The following PAM variants were observed in gnomAD, a reference collection of about 807,000 sequenced individuals.
PAM encodes peptidyl-glycine alpha-amidating monooxygenase.
PAM carries 72 observed loss-of-function variants against 122.1 expected under a neutral mutation model. The observed-to-expected ratio is 0.59, with a 90% CI of 0.49 to 0.72. The LOEUF is 0.72. PAM is among the 30% of genes least tolerant of loss of function. The probability of loss-of-function intolerance (pLI) is 0.00; values close to 1 mark genes in which losing one functional copy is unlikely to be tolerated. For synonymous variants in PAM, 389 were observed against 404.4 expected, an observed-to-expected ratio of 0.96 and a Z score of 0.46; for missense variants, 1,106 against 1,183.7, an observed-to-expected ratio of 0.93 and a Z score of 0.96.
intron 1 of PAM, among the ~76,000 whole-genome samples, chr5:102,779,918 T>TATATACACACACACAC (rs147065045): frequency 6.2e-4 from 59 of 95,672 alleles, no homozygotes; most frequent in African/African-American, 2.5e-3. Flanking sequence ...TATATATATA[T>TATATACACACACACAC]ACACACATAT....
At chr5:102,805,037 G>GTC (rs1364943013) in intron 1 of PAM, among the ~76,000 whole-genome samples, 1 of 143,550 alleles carries the variant, frequency 7.0e-6, no homozygotes, top group Non-Finnish European at 1.5e-5. Context: ...GTGCTGGTTT[G>GTC]TCTGTTTCTT....
At chr5:102,854,107 T>C (rs1782017388) in intron 1 of PAM, among the ~76,000 whole-genome samples, 1 of 152,218 alleles carries the variant, frequency 6.6e-6, no homozygotes, top group Non-Finnish European at 1.5e-5. Context: ...CCTTGACTTC[T>C]GTGCCTCTAT....
chr5:102,865,772 G>A (rs1785369834), intron 1 of PAM, 51 bp from the exon 2 acceptor site: 1 of 163,274 alleles, frequency 6.1e-6, no homozygotes, highest in African/African-American at 2.4e-5. Context: ...ATTTGCTGAG[G>A]ACAAATGCTG....
At chr5:102,840,142 C>T (rs1778201247) in intron 1 of PAM, among the ~76,000 whole-genome samples, 1 of 152,038 alleles carries the variant, frequency 6.6e-6, no homozygotes, top group Non-Finnish European at 1.5e-5. Flanking sequence ...TAAATTAATA[C>T]ATTGTATTTT....
At chr5:102,862,363 A>G (rs1784429868) in intron 1 of PAM, among the ~76,000 whole-genome samples, 1 of 152,110 alleles carries the variant, frequency 6.6e-6, no homozygotes, top group Admixed American at 6.5e-5. Flanking sequence ...GTTATTACGA[A>G]CAATACTAGT....
chr5:102,836,299 T>C (rs1777004847), intron 1 of PAM, among the ~76,000 whole-genome samples: 1 of 152,216 alleles, frequency 6.6e-6, no homozygotes, highest in East Asian at 1.9e-4. Context: ...TGACAGTATG[T>C]GTAATATGCA....
At chr5:102,982,489 T>C (rs1770234655) in intron 15 of PAM, among the ~76,000 whole-genome samples, 1 of 152,204 alleles carries the variant, frequency 6.6e-6, no homozygotes. Flanking sequence ...CCTGTCATGC[T>C]CAGCTCACTG....
intron 3 of PAM, among the ~76,000 whole-genome samples, chr5:102,887,381 GCCCTTAC>G (rs1438400094): frequency 6.6e-6 from 1 of 151,898 alleles, no homozygotes; most frequent in Non-Finnish European, 1.5e-5. Flanking sequence ...GCAGCCTGAG[GCCCTTAC>G]CAGATGCAGC....
intron 1 of PAM, among the ~76,000 whole-genome samples, chr5:102,812,108 A>G (rs916597796): frequency 7.2e-5 from 11 of 152,304 alleles, no homozygotes; most frequent in Non-Finnish European, 1.2e-4. Context: ...TTTGAATAAC[A>G]CTGTCGTTTA....
intron 15 of PAM, chr5:102,987,542 T>G (rs767122766): frequency 2.2e-6 from 1 of 456,058 alleles, no homozygotes; most frequent in Non-Finnish European, 4.4e-6. Flanking sequence ...ATGAAATGTT[T>G]CCAGTGCAAA....
intron 4 of PAM, among the ~76,000 whole-genome samples, chr5:102,904,112 C>T (rs1322166420): frequency 6.6e-6 from 1 of 151,346 alleles, no homozygotes; most frequent in African/African-American, 2.4e-5. Context: ...ATGCTTTTTC[C>T]ATTCTAAGGG....
At chr5:102,846,482 C>G (rs951042408) in intron 1 of PAM, among the ~76,000 whole-genome samples, 3 of 152,156 alleles carry the variant, frequency 2.0e-5, no homozygotes, top group Admixed American at 6.6e-5. Context: ...GATGCTTTTT[C>G]TCCACTGCCA....
At chr5:103,017,668 G>A (rs1433489305) in intron 22 of PAM, among the ~76,000 whole-genome samples, 2 of 152,080 alleles carry the variant, frequency 1.3e-5, no homozygotes, top group Non-Finnish European at 2.9e-5. Context: ...AGTACTGTCT[G>A]TTACATTAAA....
Position 102,760,821 on chromosome 5 carries a change from T to C in PAM, c.-374+5473T>C, listed in dbSNP as rs1253850394. ...TTGGATAACCTATACAGTACTTAGT[T>C]CAGGCCTCTTGGGGAAAAGAAAAGT... On this transcript the variant is annotated intron_variant, in intron 1 of 25. Transcript: ENST00000438793. Among the ~76,000 whole-genome samples the C allele has an allele frequency of 2.6e-5, 4 of 152,182 alleles. No homozygotes were observed. The South Asian group carries it at 6.2e-4, about 24-fold the overall frequency.
At chr5:102,864,217 T>G (rs1462185853) in intron 1 of PAM, among the ~76,000 whole-genome samples, 1 of 149,140 alleles carries the variant, frequency 6.7e-6, no homozygotes, top group Non-Finnish European at 1.5e-5. Context: ...TCAGGGAATG[T>G]GAAGTATTGT....
chr5:102,947,029 C>G, intron 8 of PAM, 144 bp downstream of exon 8: 1 of 690,524 alleles, frequency 1.4e-6, no homozygotes, highest in Non-Finnish European at 2.6e-6. Flanking sequence ...TCTCATTTTC[C>G]TGTATGTCAG....
intron 1 of PAM, among the ~76,000 whole-genome samples, chr5:102,859,435 A>C (rs193083522): frequency 2.6e-5 from 4 of 152,112 alleles, no homozygotes; most frequent in African/African-American, 9.7e-5. Flanking sequence ...AAGCTTATAG[A>C]ATAAAGATAT....
chr5:102,967,936 T>TG (rs1346511329), intron 14 of PAM, among the ~76,000 whole-genome samples: 3 of 152,106 alleles, frequency 2.0e-5, no homozygotes, highest in Non-Finnish European at 4.4e-5. Flanking sequence ...TTGGCCAGGC[T>TG]GGTCTCGAAC....
chr5:102,786,768 A>T (rs1290632081), intron 1 of PAM, among the ~76,000 whole-genome samples: 1 of 152,190 alleles, frequency 6.6e-6, no homozygotes, highest in Non-Finnish European at 1.5e-5. Flanking sequence ...CATTCTGAGC[A>T]TAGTCAGTAG....
Sources: allele counts gnomAD v4.1 joint callset (sites outside exome capture counted in the v4.1 genomes callset), GRCh38; gene constraint gnomAD v4.1.1; transcripts MANE v1.5; gene names NCBI Gene and HGNC (gene_info 2026-07-23, HGNC 2026-07-21).